Variants in KRABD3 observed in about 807,000 individuals in gnomAD.
KRABD3 encodes KRAB domain-containing protein 3.
At chr7:149,726,268 T>C in the KRABD3 span, among the ~76,000 whole-genome samples, 2 of 152,122 alleles carry the variant, frequency 1.3e-5, no homozygotes, top group African/African-American at 4.8e-5. Context: ...GTGACTTGTC[T>C]TAGAAGGGAC....
chr7:149,729,241 G>T, the KRABD3 span: 4 of 1,599,866 alleles, frequency 2.5e-6, no homozygotes, highest in Middle Eastern at 1.7e-4. Flanking sequence ...TAGGGGAGAA[G>T]CGCCCACCCG....
At chr7:149,718,513 C>A in the KRABD3 span, among the ~76,000 whole-genome samples, 1 of 81,970 alleles carries the variant, frequency 1.2e-5, no homozygotes, top group Non-Finnish European at 2.2e-5. Context: ...CACTGAAGGA[C>A]TTTTTTTTTT....
the KRABD3 span, chr7:149,733,337 T>C: frequency 2.5e-6 from 4 of 1,612,404 alleles, no homozygotes; most frequent in East Asian, 4.5e-5. Context: ...GCCATGCCAC[T>C]GTGGGAAGCC....
the KRABD3 span, chr7:149,721,824 C>A: frequency 1.7e-6 from 1 of 593,494 alleles, no homozygotes; most frequent in South Asian, 1.5e-5. Context: ...AACATGCAGG[C>A]CCACGGCCAG....
At chr7:149,725,333 C>T in the KRABD3 span, 1 of 1,594,446 alleles carries the variant, frequency 6.3e-7, no homozygotes, top group East Asian at 2.3e-5. Context: ...GCCTCAAGCT[C>T]ACCGCTGGAA....
chr7:149,724,876 T>C, the KRABD3 span: 1 of 1,522,136 alleles, frequency 6.6e-7, no homozygotes, highest in South Asian at 1.3e-5. Context: ...GCTGCTCTGG[T>C]GGTCTTCCCC....
chr7:149,720,618 G>A, the KRABD3 span, among the ~76,000 whole-genome samples: 4 of 152,246 alleles, frequency 2.6e-5, no homozygotes, highest in African/African-American at 9.6e-5. Context: ...GAGGAGCCCT[G>A]TTACCCAGGC....
chr7:149,723,590 G>C, the KRABD3 span: 1 of 751,396 alleles, frequency 1.3e-6, no homozygotes, highest in East Asian at 2.7e-5. Flanking sequence ...GTGGACCCAG[G>C]CACTGGGAAG....
chr7:149,717,210 G>A, the KRABD3 span, among the ~76,000 whole-genome samples: 1,874 of 152,332 alleles, frequency 0.012, 43 homozygotes, highest in African/African-American at 0.042. Flanking sequence ...GGAACCCTCT[G>A]CCTGCCATGA....
At chr7:149,729,678 A>G in the KRABD3 span, 21 of 985,422 alleles carry the variant, frequency 2.1e-5, no homozygotes, top group Non-Finnish European at 2.2e-5. Context: ...TTCCAGCAGA[A>G]TTCCTTCCTA....
chr7:149,715,158 A>T, the KRABD3 span: 2 of 1,228,456 alleles, frequency 1.6e-6, no homozygotes, highest in Non-Finnish European at 2.0e-6. Flanking sequence ...CAACTTCGGG[A>T]TCGGCTGGGT....
the KRABD3 span, chr7:149,731,690 GC>G: frequency 1.2e-6 from 2 of 1,610,698 alleles, no homozygotes; most frequent in Non-Finnish European, 1.7e-6. Context: ...CAGGATCCCT[GC>G]CCGGTTTCTC....
the KRABD3 span, among the ~76,000 whole-genome samples, chr7:149,732,918 G>A: frequency 2.0e-5 from 3 of 152,128 alleles, no homozygotes; most frequent in Non-Finnish European, 2.9e-5. This position sits in a 1 kb window ranked among gnomAD's most constrained non-coding sequence, Gnocchi z 4.0. Flanking sequence ...AAGACCCACC[G>A]ATTCCTAGAA....
At chr7:149,720,491 C>T in the KRABD3 span, among the ~76,000 whole-genome samples, 1 of 152,262 alleles carries the variant, frequency 6.6e-6, no homozygotes, top group African/African-American at 2.4e-5. Flanking sequence ...CTGGGCAAGG[C>T]CAGGCATTTA....
At chr7:149,728,795 G>C in the KRABD3 span, 1 of 1,157,290 alleles carries the variant, frequency 8.6e-7, no homozygotes, top group Non-Finnish European at 1.2e-6. Flanking sequence ...AACAGACCTG[G>C]GCAGAGCCTT....
the KRABD3 span, among the ~76,000 whole-genome samples, chr7:149,726,607 T>G: frequency 1.3e-5 from 2 of 151,928 alleles, no homozygotes; most frequent in Admixed American, 1.3e-4. Flanking sequence ...CCAGCTAATC[T>G]TTGTGTTTTT....
At chr7:149,723,489 C>T in the KRABD3 span, 1 of 514,484 alleles carries the variant, frequency 1.9e-6, no homozygotes, top group African/African-American at 1.9e-5. Context: ...AGCCCACTTC[C>T]TTCAATTTGT....
At chr7:149,730,616 C>G in the KRABD3 span, 1 of 1,589,954 alleles carries the variant, frequency 6.3e-7, no homozygotes, top group Non-Finnish European at 8.6e-7. Flanking sequence ...CCCCAGAGGA[C>G]CAGGAGTCCA....
chr7:149,730,849 T>C, the KRABD3 span: 2 of 467,842 alleles, frequency 4.3e-6, no homozygotes, highest in South Asian at 4.0e-5. Context: ...TGTAGACAGA[T>C]GTGGATGTAT....
Sources: allele counts gnomAD v4.1 joint callset (sites outside exome capture counted in the v4.1 genomes callset), GRCh38; gene constraint gnomAD v4.1.1; non-coding constraint Gnocchi (gnomAD v3.1); transcripts MANE v1.5; gene names NCBI Gene and HGNC (gene_info 2026-07-23, HGNC 2026-07-21).